The following ADGRL1 variants were observed in gnomAD, a reference collection of about 807,000 sequenced individuals.
The protein encoded by ADGRL1 is adhesion G protein-coupled receptor L1, also known as CIRL-1.
A neutral mutation model predicts 148.9 loss-of-function variants in ADGRL1; 31 were observed. The observed-to-expected ratio is 0.21, with a 90% CI of 0.16 to 0.28. ADGRL1 has a LOEUF of 0.28. ADGRL1 is among the 10% of genes least tolerant of loss of function. The pLI is 1.00. For missense variants in ADGRL1, 1,521 were observed against 2,058.8 expected (o/e 0.74, Z 5.05); for synonymous variants, 937 against 900.3 (o/e 1.04, Z -0.73).
Position 14,155,439 on chromosome 19 carries a change from C to G in ADGRL1, c.3214G>C (p.Val1072Leu). ...GLLFINKESV[V>L]MAYLFTTFNA... ...AAGGTGGTGAAGAGATAGGCCATGA[C>G]CACCGACTCCTTGTTGATGAAGAGG... The change falls in exon 18 of 23, where the codon GTC (valine) becomes CTC (leucine). Residue 1072 changes from valine to leucine, a missense_variant. By Grantham distance (32) the Val-to-Leu change is conservative (BLOSUM62 1). Around this residue, in one of 8 missense-constraint regions of ADGRL1, gnomAD observed 185 missense variants for 251.7 expected, o/e 0.74. Coordinates refer to ENST00000361434, the MANE Select transcript of ADGRL1 (RefSeq NM_014921.5). The surrounding 1 kb of genome is among the most constrained non-coding windows in gnomAD (Gnocchi z 5.0). 6.2e-7 allele frequency: 1 copy of G among 1,614,174 alleles called. No individual in the cohort carries two copies. Among genetic ancestry groups the G allele is most frequent in the Non-Finnish European group, 8.5e-7 (1 of 1,180,014 alleles).
chr19:14,181,445 G>A (rs917554410), intron 2 of ADGRL1, among the ~76,000 whole-genome samples: 8 of 152,230 alleles, frequency 5.3e-5, no homozygotes, highest in African/African-American at 1.2e-4. Flanking sequence ...GTGGCTGGGC[G>A]CGGTGGTTCA....
chr19:14,161,686 T>G lies in ADGRL1; in HGVS notation c.1196-60A>C. On this transcript the variant is annotated intron_variant, in intron 5 of 22. Coordinates refer to ENST00000361434, the MANE Select transcript of ADGRL1 (RefSeq NM_014921.5). The surrounding 1 kb of genome is among the most constrained non-coding windows in gnomAD (Gnocchi z 4.4). ...GCTCAGGGCCATGCCACAGTGTGCT[T>G]GGGCAGGGGGTCCCAGGCCATCTTA... The G allele has an allele frequency of 8.2e-7, 1 of 1,214,350 alleles. No homozygotes were observed. The highest frequency in any genetic ancestry group is 1.6e-5 in the African/African-American group (1 of 63,660). The allele number at this position is 1,214,350 out of a possible 1,614,324, so 75.2% of individuals were successfully genotyped here.
At chr19:14,191,553 C>T (rs1971941859) in intron 1 of ADGRL1, 3 of 427,668 alleles carry the variant, frequency 7.0e-6, no homozygotes, top group South Asian at 3.3e-5. Context: ...TTACTTCCTC[C>T]TAGTTCTGGA....
chr19:14,183,040 T>A (rs971246469), intron 2 of ADGRL1, among the ~76,000 whole-genome samples: 1 of 151,294 alleles, frequency 6.6e-6, no homozygotes, highest in Admixed American at 6.6e-5. Flanking sequence ...TCGGTGAGGG[T>A]GGGCGGGCAG....
intron 4 of ADGRL1, chr19:14,167,074 A>G (rs1970044517): frequency 2.0e-6 from 3 of 1,528,056 alleles, no homozygotes; most frequent in Non-Finnish European, 2.7e-6. Flanking sequence ...AATTGAAAAA[A>G]AAAATGTGCA....
At chr19:14,167,047 A>AAG in intron 4 of ADGRL1, 1 of 1,604,902 alleles carries the variant, frequency 6.2e-7, no homozygotes, top group Non-Finnish European at 8.5e-7. Context: ...TAAGCATCGG[A>AAG]AGAGAGAGAG....
chr19:14,163,503 G>A lies in ADGRL1; in HGVS notation c.395-97C>T, dbSNP rs915324043. On this transcript the variant is annotated intron_variant, in intron 4 of 22. Coordinates refer to ENST00000361434, the MANE Select transcript of ADGRL1 (RefSeq NM_014921.5). Reference sequence around the variant, plus strand: ...GAGAGAGAGAGAGAGAGAGAGGGGGGAGAGAGGCAAGTTGGTCACGCTGCT... The same window carrying A: ...GAGAGAGAGAGAGAGAGAGAGGGGGAAGAGAGGCAAGTTGGTCACGCTGCT... 1,009 of 809,820 alleles carry A rather than the reference G, an allele frequency of 1.2e-3. 1 individual carries two copies. The highest frequency in any genetic ancestry group is 5.7e-3 in the Middle Eastern group (15 of 2,630). 50.2% of individuals were successfully genotyped at this position (809,820 alleles called of 1,614,324 possible).
At chr19:14,186,532 C>T (rs1232385023) in intron 1 of ADGRL1, among the ~76,000 whole-genome samples, 2 of 152,142 alleles carry the variant, frequency 1.3e-5, no homozygotes, top group African/African-American at 2.4e-5. Context: ...AAGTACCTCG[C>T]GACCTGCCCA....
intron 3 of ADGRL1, among the ~76,000 whole-genome samples, chr19:14,176,149 G>C (rs1205275028): frequency 6.6e-6 from 1 of 151,764 alleles, no homozygotes; most frequent in African/African-American, 2.4e-5. Flanking sequence ...AAGAGATCGA[G>C]ACCATCCTGG....
rs200982164 is a variant in ADGRL1, at chr19:14,162,919, T to C, written c.882A>G (p.Thr294=). ...TCTCCCACGTGCCCTCAAAGCGCAG[T>C]GTGTAGGGGTTCAGCTGGCTCACCA... The part of the protein sequence containing the change: ...RLVVSQLNPY[T]LRFEGTWETG... The change falls in exon 5 of 23, where the codon ACA becomes ACG. Residue 294 remains threonine, a synonymous_variant. Transcript: ENST00000361434. This position sits in a 1 kb window ranked among gnomAD's most constrained non-coding sequence, Gnocchi z 5.4. 14 of 1,613,566 alleles carry C rather than the reference T, an allele frequency of 8.7e-6. No homozygotes were observed. The South Asian group carries it at 8.8e-5, about 10-fold the overall frequency.
chr19:14,205,326 C>T (rs1469102785), intron 1 of ADGRL1, among the ~76,000 whole-genome samples: 1 of 152,038 alleles, frequency 6.6e-6, no homozygotes, highest in African/African-American at 2.4e-5. Flanking sequence ...TGCTTTAACC[C>T]GGCACCACGG....
intron 1 of ADGRL1, among the ~76,000 whole-genome samples, chr19:14,185,915 C>T (rs1048475708): frequency 2.6e-5 from 4 of 152,260 alleles, no homozygotes; most frequent in African/African-American, 7.2e-5. Flanking sequence ...CCACCTGTAG[C>T]TTCTGCCAAC....
chr19:14,190,180 C>T (rs760187800), intron 1 of ADGRL1, among the ~76,000 whole-genome samples: 1 of 152,118 alleles, frequency 6.6e-6, no homozygotes, highest in East Asian at 1.9e-4. Context: ...CTGCCTCGGC[C>T]TCCCAAAGTG....
chr19:14,152,065 G>A lies in ADGRL1; in HGVS notation c.3667+68C>T, dbSNP rs368944065. ...CGAGTTCTCCTCCTTAAGTGAGGCC[G>A]TCTGAGAAGGCCACTGTCTGTCCCT... On this transcript the variant is annotated intron_variant, in intron 22 of 22. Transcript: ENST00000361434. The surrounding 1 kb of genome is among the most constrained non-coding windows in gnomAD (Gnocchi z 6.1). The A allele has an allele frequency of 4.3e-4, 629 of 1,457,816 alleles. 2 individuals are homozygous for A. The highest frequency in any genetic ancestry group is 2.9e-3 in the South Asian group (256 of 87,942). 90.3% of individuals were successfully genotyped at this position (1,457,816 alleles called of 1,614,324 possible).
intron 1 of ADGRL1, among the ~76,000 whole-genome samples, chr19:14,196,292 C>T (rs1972258605): frequency 6.6e-6 from 1 of 152,266 alleles, no homozygotes. Flanking sequence ...TCCCACCTCA[C>T]TCGACCAAAA....
intron 18 of ADGRL1, among the ~76,000 whole-genome samples, chr19:14,154,194 G>A (rs1161564286): frequency 6.6e-6 from 1 of 152,084 alleles, no homozygotes. Context: ...TGTGTCCAAG[G>A]AGGGGCCAGG....
At position 14,150,922 on chromosome 19, in the gene ADGRL1, C is replaced by T; in HGVS notation, c.4361G>A (p.Gly1454Glu). ...EGYLAAPGLE[G>E]PGPDGDGQMQ... ...CTGCCCGTCCCCATCGGGCCCTGGC[C>T]CCTCAAGGCCTGGGGCTGCCAGGTA... The change falls in exon 23 of 23, where the codon GGG becomes GAG. Residue 1454 changes from glycine to glutamate, a missense_variant. By Grantham distance (98) the Gly-to-Glu change is moderately conservative. Transcript: ENST00000361434. 1 of 1,611,928 alleles carries T rather than the reference C, an allele frequency of 6.2e-7. No homozygotes were observed. The highest frequency in any genetic ancestry group is 1.1e-5 in the South Asian group (1 of 90,940).
rs1224605020 is a variant in ADGRL1, at chr19:14,162,497, T to A, written c.1195+109A>T. ...GCTGTGAATTTCCTTTACCTCCCGA[T>A]CCCCAAGAGCTCACAGGATGGGGCT... On this transcript the variant is annotated intron_variant, in intron 5 of 22. Transcript: ENST00000361434. The surrounding 1 kb of genome is among the most constrained non-coding windows in gnomAD (Gnocchi z 5.4). 1.1e-6 allele frequency: 1 copy of A among 938,230 alleles called. No homozygotes were observed. Among genetic ancestry groups the A allele is most frequent in the Admixed American group, 2.2e-5 (1 of 44,468 alleles). 58.1% of individuals were successfully genotyped at this position (938,230 alleles called of 1,614,324 possible). A position where few individuals can be genotyped will look rare whatever the true frequency, so the allele number is the denominator to read the frequency against.
Position 14,147,757 on chromosome 19 carries a change from A to C in ADGRL1, c.*3116T>G, listed in dbSNP as rs554874493. Reference sequence around the variant, plus strand: ...CACTCTTGTCATTCCAAGAAATCTTAATTTCTTTATTGTTTGACTTTTTGA... The same window carrying C: ...CACTCTTGTCATTCCAAGAAATCTTCATTTCTTTATTGTTTGACTTTTTGA... On this transcript the variant is annotated 3_prime_UTR_variant, in exon 23 of 23. Coordinates refer to ENST00000361434, the MANE Select transcript of ADGRL1 (RefSeq NM_014921.5). 6.6e-6 allele frequency: 1 copy of C among 152,374 alleles called. No homozygotes were observed. Among genetic ancestry groups the C allele is most frequent in the South Asian group, 2.1e-4 (1 of 4,822 alleles). The allele number at this position is 152,374 out of a possible 1,614,324, so 9.4% of individuals were successfully genotyped here.
Sources: gnomAD v4.1 joint callset for allele counts (sites outside exome capture counted in the v4.1 genomes callset) on GRCh38, gnomAD v4.1.1 for gene constraint, gnomAD v4.1.1 regional missense constraint, Gnocchi (gnomAD v3.1) non-coding constraint, MANE v1.5 for transcripts, NCBI Gene and HGNC (gene_info 2026-07-23, HGNC 2026-07-21) for gene names.